The following ADGB variants were observed in gnomAD, a reference collection of about 807,000 sequenced individuals.
The protein encoded by ADGB is calpain-7-like protein.
A neutral mutation model predicts 210.5 loss-of-function variants in ADGB; 172 were observed. The ratio of observed to expected loss-of-function variants is 0.82; its 90% CI spans 0.72 to 0.93. The LOEUF (loss-of-function observed/expected upper bound fraction) is 0.93, where lower values mean the gene tolerates loss of function less well. Ranked by LOEUF, ADGB falls within the 40% of genes least tolerant of loss-of-function variation. The pLI is 0.00. For synonymous variants in ADGB, 658 were observed against 662.7 expected (o/e 0.99, Z 0.11); for missense variants, 2,025 against 1,964.8 (o/e 1.03, Z -0.58).
chr6:146,661,252 ACT>A (rs1475921427), intron 5 of ADGB, among the ~76,000 whole-genome samples: 7 of 111,486 alleles, frequency 6.3e-5, no homozygotes, highest in Non-Finnish European at 1.2e-4. Context: ...ATAGGGTCTG[ACT>A]CTGTCGCTCA....
chr6:146,712,917 C>T (rs897087421), intron 13 of ADGB, among the ~76,000 whole-genome samples: 4 of 151,948 alleles, frequency 2.6e-5, no homozygotes, highest in Non-Finnish European at 5.9e-5. Context: ...ATTCTCCCCT[C>T]CCCCCAGCCC....
At chr6:146,792,677 T>C (rs1436549035) in intron 33 of ADGB, among the ~76,000 whole-genome samples, 5 of 151,946 alleles carry the variant, frequency 3.3e-5, no homozygotes, top group Admixed American at 6.6e-5. Flanking sequence ...TGCAATAAAG[T>C]CTACGTAGTT....
At chr6:146,670,687 G>A (rs561598165) in intron 7 of ADGB, among the ~76,000 whole-genome samples, 1 of 152,216 alleles carries the variant, frequency 6.6e-6, no homozygotes, top group Admixed American at 6.6e-5. Flanking sequence ...CCAACCATTG[G>A]ATGTAAAGTT....
Position 146,801,178 on chromosome 6 carries a change from TA to T in ADGB, c.4538-2del. 2 of 1,463,694 alleles carry T rather than the reference TA, an allele frequency of 1.4e-6. No individual in the cohort carries two copies. The highest frequency in any genetic ancestry group is 2.6e-5 in the Admixed American group (1 of 38,100). 90.7% of individuals were successfully genotyped at this position (1,463,694 alleles called of 1,614,324 possible). ...TTTTTTGTTGTGTGTGTGTTTTTTT[TA>T]AAGAAACAGGACCTCGTACACGATC... On this transcript the variant is annotated splice_region_variant and splice_polypyrimidine_tract_variant and intron_variant, in intron 33 of 35. Coordinates refer to ENST00000397944, the MANE Select transcript of ADGB (RefSeq NM_024694.4).
At position 146,801,284 on chromosome 6, in the gene ADGB, GT is replaced by G; in HGVS notation, c.4634+9del. Reference sequence around the variant, plus strand: ...GGATTTAAGTCAATATGTTCGGTAAGTTTTCATAAACATGATTGATGCAGAC... The same window carrying G: ...GGATTTAAGTCAATATGTTCGGTAAGTTTCATAAACATGATTGATGCAGAC... On this transcript the variant is annotated splice_donor_region_variant and intron_variant, in intron 34 of 35. Transcript: ENST00000397944. 6.9e-7 allele frequency: 1 copy of G among 1,452,728 alleles called. No individual in the cohort carries two copies. Among genetic ancestry groups the G allele is most frequent in the Non-Finnish European group, 9.2e-7 (1 of 1,089,762 alleles). 90.0% of individuals were successfully genotyped at this position (1,452,728 alleles called of 1,614,324 possible). A position where few individuals can be genotyped will look rare whatever the true frequency, so the allele number is the denominator to read the frequency against.
At chr6:146,605,321 C>G (rs1780616489) in intron 1 of ADGB, among the ~76,000 whole-genome samples, 1 of 152,082 alleles carries the variant, frequency 6.6e-6, no homozygotes, top group Non-Finnish European at 1.5e-5. Context: ...CACAGCAGAT[C>G]TGTAAGGTGA....
chr6:146,719,931 G>C (rs1776790388), intron 16 of ADGB, among the ~76,000 whole-genome samples: 1 of 152,188 alleles, frequency 6.6e-6, no homozygotes, highest in South Asian at 2.1e-4. Context: ...AACATAGGGG[G>C]AGGAGTAAAC....
At chr6:146,718,703 CA>C (rs1446539094) in intron 16 of ADGB, among the ~76,000 whole-genome samples, 1 of 152,200 alleles carries the variant, frequency 6.6e-6, no homozygotes, top group African/African-American at 2.4e-5. Context: ...ATGATAATCC[CA>C]CACCTCCATG....
chr6:146,800,833 G>A (rs1205501274), intron 33 of ADGB, among the ~76,000 whole-genome samples: 1 of 152,120 alleles, frequency 6.6e-6, no homozygotes, highest in Non-Finnish European at 1.5e-5. Flanking sequence ...TAAATACTGG[G>A]CCATTTAACT....
At chr6:146,672,507 T>A in intron 8 of ADGB, 40 bp downstream of exon 8, 1 of 1,488,662 alleles carries the variant, frequency 6.7e-7, no homozygotes. Context: ...AGTATGGACA[T>A]TGCATATAAA....
chr6:146,684,604 C>G (rs775948560), intron 9 of ADGB, among the ~76,000 whole-genome samples: 2 of 152,060 alleles, frequency 1.3e-5, no homozygotes, highest in African/African-American at 2.4e-5. Flanking sequence ...CATCCTTAAA[C>G]TTAAGATGAT....
rs867447878 is a variant in ADGB at position 146,607,821 on chromosome 6, G to A, written c.74+8707G>A. Among the ~76,000 whole-genome samples the A allele has an allele frequency of 4.6e-5, 7 of 152,028 alleles. No individual in the cohort carries two copies. In the South Asian group the frequency reaches 1.2e-3, roughly 27 times the overall value. On this transcript the variant is annotated intron_variant, in intron 1 of 35. Coordinates refer to ENST00000397944, the MANE Select transcript of ADGB (RefSeq NM_024694.4). ...TATTTTGTTGAGGATTTTAGCCTCT[G>A]TGTCCATCAAGTGCATTGTCCTGAA...
At chr6:146,648,284 T>A (rs1328995481) in intron 3 of ADGB, among the ~76,000 whole-genome samples, 6 of 152,102 alleles carry the variant, frequency 3.9e-5, no homozygotes, top group Non-Finnish European at 8.8e-5. Flanking sequence ...ACTCCTGCAC[T>A]CAAGTGATCC....
At chr6:146,702,552 C>T (rs186036170) in intron 13 of ADGB, among the ~76,000 whole-genome samples, 73 of 151,918 alleles carry the variant, frequency 4.8e-4, no homozygotes, top group African/African-American at 1.6e-3. Context: ...CCGTAGGAAA[C>T]TTTCAGGATT....
At chr6:146,670,787 T>C (rs2114901051) in intron 7 of ADGB, among the ~76,000 whole-genome samples, 1 of 152,282 alleles carries the variant, frequency 6.6e-6, no homozygotes, top group Admixed American at 6.5e-5. Flanking sequence ...GGATACAGTA[T>C]GTGCTCAATG....
At chr6:146,683,045 G>C (rs1202986361) in intron 9 of ADGB, among the ~76,000 whole-genome samples, 2 of 151,970 alleles carry the variant, frequency 1.3e-5, no homozygotes, top group African/African-American at 4.8e-5. Context: ...GAGTGGTTAG[G>C]TATCCCAGGT....
intron 8 of ADGB, among the ~76,000 whole-genome samples, chr6:146,673,013 G>A (rs921336963): frequency 2.0e-5 from 3 of 152,142 alleles, no homozygotes; most frequent in African/African-American, 7.2e-5. Context: ...TTACAGGTGT[G>A]AGCCACTGCA....
At chr6:146,709,726 A>T (rs1576087) in intron 13 of ADGB, among the ~76,000 whole-genome samples, 100,009 of 152,004 alleles carry the variant, frequency 0.66, 33,460 homozygotes, top group African/African-American at 0.77. Context: ...TGTGTTTAGG[A>T]CCAAGGCAAA....
At chr6:146,655,284 G>C (rs1265144192) in intron 4 of ADGB, among the ~76,000 whole-genome samples, 1 of 152,154 alleles carries the variant, frequency 6.6e-6, no homozygotes, top group Non-Finnish European at 1.5e-5. Context: ...GTCAAGAGGA[G>C]GGTACAGTGA....
Sources: gnomAD v4.1 joint callset for allele counts (sites outside exome capture counted in the v4.1 genomes callset) on GRCh38, gnomAD v4.1.1 for gene constraint, MANE v1.5 for transcripts, NCBI Gene and HGNC (gene_info 2026-07-23, HGNC 2026-07-21) for gene names.